Variants in ABHD17C observed in about 807,000 individuals in gnomAD.
ABHD17C encodes alpha/beta hydrolase domain-containing protein 17C.
A neutral mutation model predicts 27.9 loss-of-function variants in ABHD17C; 11 were observed. The observed-to-expected ratio is 0.39, with a 90% confidence interval of 0.25 to 0.65. The LOEUF (loss-of-function observed/expected upper bound fraction) is 0.65, where lower values mean the gene tolerates loss of function less well. ABHD17C is among the 30% of genes least tolerant of loss of function. ABHD17C has a pLI of 0.45. For missense variants in ABHD17C, 280 were observed against 470.2 expected (o/e 0.60, Z 3.74); for synonymous variants, 233 against 209.1 (o/e 1.11, Z -0.98).
intron 1 of ABHD17C, among the ~76,000 whole-genome samples, chr15:80,732,523 T>A (rs954850961): frequency 6.6e-6 from 1 of 152,154 alleles, no homozygotes; most frequent in Non-Finnish European, 1.5e-5. Context: ...CTGTGTTTGG[T>A]ATATTTCCAC....
At chr15:80,752,101 C>T (rs1895373028) in intron 2 of ABHD17C, among the ~76,000 whole-genome samples, 1 of 152,212 alleles carries the variant, frequency 6.6e-6, no homozygotes, top group African/African-American at 2.4e-5. Context: ...ACTTTAAATA[C>T]ACCCTCCAGG....
intron 1 of ABHD17C, among the ~76,000 whole-genome samples, chr15:80,735,626 AAGAG>A (rs1340784961): frequency 6.6e-6 from 1 of 152,064 alleles, no homozygotes; most frequent in Non-Finnish European, 1.5e-5. Context: ...TGCCGTGTTC[AAGAG>A]AGACTCTCCC....
At chr15:80,704,856 T>C (rs2245049) in intron 1 of ABHD17C, 84,795 of 152,014 alleles carry the variant, frequency 0.56, 26,982 homozygotes, top group Non-Finnish European at 0.74. Context: ...GTCAGTAGAG[T>C]GGTGACGTCA....
At chr15:80,739,880 CT>C (rs1895184154) in intron 1 of ABHD17C, among the ~76,000 whole-genome samples, 1 of 152,134 alleles carries the variant, frequency 6.6e-6, no homozygotes, top group Admixed American at 6.5e-5. Flanking sequence ...TAACTCAAAT[CT>C]TTTCCCTTTT....
chr15:80,714,767 A>G (rs1331578487), intron 1 of ABHD17C, among the ~76,000 whole-genome samples: 1 of 152,222 alleles, frequency 6.6e-6, no homozygotes, highest in Non-Finnish European at 1.5e-5. Context: ...TTTATGGAAA[A>G]GAATGCATGA....
chr15:80,751,768 T>C (rs1895369631), intron 2 of ABHD17C, among the ~76,000 whole-genome samples: 1 of 152,198 alleles, frequency 6.6e-6, no homozygotes, highest in African/African-American at 2.4e-5. Flanking sequence ...AAAAATTTTT[T>C]AAAAGGCTGG....
Position 80,701,956 on chromosome 15 carries a change from G to A in ABHD17C, c.590+5937G>A, listed in dbSNP as rs183086337. ...TCCGGCTTGCCTCACCGTGTGGTTC[G>A]GCAGGTTTTCTCTCTTTATCAGTAC... On this transcript the variant is annotated intron_variant, in intron 1 of 2. Transcript: ENST00000258884. Among the ~76,000 whole-genome samples the A allele has an allele frequency of 8.6e-5, 13 of 151,906 alleles. No homozygotes were observed. In the East Asian group the frequency reaches 9.7e-4, roughly 11 times the overall value.
In ABHD17C at chr15:80,729,800, C is replaced by A. The variant is rs145612737; in HGVS notation, c.591-19713C>A. ...TTAGAGAGACAGGACTGTTTGAGGT[C>A]CAGTGGGTTTTGAAAGAGGAGAGAA... On this transcript the variant is annotated intron_variant, in intron 1 of 2. Transcript: ENST00000258884. Among the ~76,000 whole-genome samples the A allele has an allele frequency of 4.5e-3, 692 of 152,208 alleles. 5 individuals carry two copies. The highest frequency in any genetic ancestry group is 0.015 in the African/African-American group (634 of 41,514).
chr15:80,700,650 C>A (rs1042725636), intron 1 of ABHD17C, among the ~76,000 whole-genome samples: 1 of 152,110 alleles, frequency 6.6e-6, no homozygotes, highest in Non-Finnish European at 1.5e-5. Context: ...GTAAACCCAG[C>A]AATTTGGGAG....
chr15:80,746,735 C>G (rs116489841), intron 1 of ABHD17C, among the ~76,000 whole-genome samples: 126 of 152,318 alleles, frequency 8.3e-4, no homozygotes, highest in African/African-American at 2.8e-3. Flanking sequence ...CAGGGCGCTT[C>G]CCTCTGCCTT....
chr15:80,731,562 G>A (rs1895057213), intron 1 of ABHD17C, among the ~76,000 whole-genome samples: 1 of 150,662 alleles, frequency 6.6e-6, no homozygotes, highest in Non-Finnish European at 1.5e-5. Context: ...CAGCAAGATA[G>A]ATCACGAGTA....
At chr15:80,748,083 A>G (rs537333859) in intron 1 of ABHD17C, among the ~76,000 whole-genome samples, 2 of 152,244 alleles carry the variant, frequency 1.3e-5, no homozygotes, top group Admixed American at 6.5e-5. Context: ...TCCTGTCTCC[A>G]TGGCACAGCC....
chr15:80,706,627 C>A (rs1384038125), intron 1 of ABHD17C, among the ~76,000 whole-genome samples: 2 of 152,166 alleles, frequency 1.3e-5, no homozygotes, highest in Non-Finnish European at 2.9e-5. Context: ...AATCTACTAG[C>A]TAAAATCTCT....
At chr15:80,725,564 G>A (rs908316429) in intron 1 of ABHD17C, among the ~76,000 whole-genome samples, 1 of 152,096 alleles carries the variant, frequency 6.6e-6, no homozygotes, top group Non-Finnish European at 1.5e-5. Context: ...CCATGATGGA[G>A]TTCAGTAGCA....
chr15:80,741,762 A>G (rs990678062), intron 1 of ABHD17C, among the ~76,000 whole-genome samples: 1 of 152,190 alleles, frequency 6.6e-6, no homozygotes, highest in Non-Finnish European at 1.5e-5. Context: ...TTTTCACTTA[A>G]AGGAAGCATG....
At chr15:80,731,968 C>G (rs556609280) in intron 1 of ABHD17C, among the ~76,000 whole-genome samples, 1 of 152,312 alleles carries the variant, frequency 6.6e-6, no homozygotes, top group African/African-American at 2.4e-5. Context: ...CCATTCATCT[C>G]TAGAACTTCA....
intron 1 of ABHD17C, among the ~76,000 whole-genome samples, chr15:80,736,952 CT>C (rs563540189): frequency 2.9e-4 from 44 of 152,346 alleles, no homozygotes; most frequent in African/African-American, 1.1e-3. Context: ...ATTGCAGGAA[CT>C]TCCTGCCTCA....
At chr15:80,729,173 C>T (rs1187129679) in intron 1 of ABHD17C, among the ~76,000 whole-genome samples, 1 of 152,162 alleles carries the variant, frequency 6.6e-6, no homozygotes, top group Non-Finnish European at 1.5e-5. Flanking sequence ...ATAAATTCTT[C>T]CTTTCTCTAT....
intron 1 of ABHD17C, among the ~76,000 whole-genome samples, chr15:80,711,085 A>G (rs1894722611): frequency 6.6e-6 from 1 of 152,230 alleles, no homozygotes; most frequent in Non-Finnish European, 1.5e-5. Flanking sequence ...AGGAAAGGCA[A>G]TTAAGCCAAA....
Sources: allele counts gnomAD v4.1 joint callset (sites outside exome capture counted in the v4.1 genomes callset), GRCh38; gene constraint gnomAD v4.1.1; transcripts MANE v1.5; gene names NCBI Gene and HGNC (gene_info 2026-07-23, HGNC 2026-07-21).